Variants in MDFIC2 observed in about 807,000 individuals in gnomAD.
MDFIC2 encodes the protein MyoD family inhibitor domain containing 2.
chr3:70,231,516 C>A (rs1701559959), intron 2 of MDFIC2, among the ~76,000 whole-genome samples: 1 of 152,180 alleles, frequency 6.6e-6, no homozygotes, highest in Admixed American at 6.5e-5. Flanking sequence ...AACAAAAGAG[C>A]CAAATTCCAA....
chr3:70,235,417 C>T (rs776210477), intron 2 of MDFIC2, among the ~76,000 whole-genome samples: 5 of 152,196 alleles, frequency 3.3e-5, no homozygotes, highest in Non-Finnish European at 5.9e-5. Context: ...TCCGTCTCCT[C>T]GCAAATTAAA....
Position 70,215,991 on chromosome 3 carries a change from A to T in MDFIC2, c.89-9201T>A, listed in dbSNP as rs1425236461. On this transcript the variant is annotated intron_variant, in intron 2 of 3. Coordinates refer to ENST00000567252, the MANE Select transcript of MDFIC2 (RefSeq NM_001364677.1). ...GGTATTTTATTTTGATTTGAATGCA[A>T]CATTTGCATTGATATCTGTAGAACT... Among the ~76,000 whole-genome samples, 9 of 152,100 alleles carry T rather than the reference A, an allele frequency of 5.9e-5. No homozygotes were observed. In the East Asian group the frequency reaches 1.7e-3, roughly 29 times the overall value.
chr3:70,249,584 A>T (rs941053491), intron 2 of MDFIC2: 1 of 151,982 alleles, frequency 6.6e-6, no homozygotes, highest in Non-Finnish European at 1.5e-5. Context: ...CTTAAAATAT[A>T]TCATTGCAGG....
At chr3:70,289,872 T>C (rs890152062) in intron 2 of MDFIC2, among the ~76,000 whole-genome samples, 4 of 152,056 alleles carry the variant, frequency 2.6e-5, no homozygotes, top group Middle Eastern at 6.3e-3. Flanking sequence ...GGCTTCTGCA[T>C]TCTTCACGTA....
At chr3:70,308,439 A>AT (rs1702423918) in intron 2 of MDFIC2, among the ~76,000 whole-genome samples, 1 of 152,016 alleles carries the variant, frequency 6.6e-6, no homozygotes, top group Admixed American at 6.6e-5. Context: ...AAAATGAATG[A>AT]TTTTTTGGGT....
At chr3:70,245,974 G>C (rs529747483) in intron 2 of MDFIC2, among the ~76,000 whole-genome samples, 14 of 150,576 alleles carry the variant, frequency 9.3e-5, no homozygotes, top group South Asian at 2.1e-4. Flanking sequence ...ATATGGTAGG[G>C]AACTGAAATT....
chr3:70,231,611 G>C (rs1183442141), intron 2 of MDFIC2, among the ~76,000 whole-genome samples: 2 of 152,068 alleles, frequency 1.3e-5, no homozygotes, highest in Non-Finnish European at 2.9e-5. Flanking sequence ...TCCTTCCCTG[G>C]TTAGTTACCA....
At chr3:70,217,036 C>T (rs1701418228) in intron 2 of MDFIC2, among the ~76,000 whole-genome samples, 1 of 152,154 alleles carries the variant, frequency 6.6e-6, no homozygotes, top group South Asian at 2.1e-4. Flanking sequence ...ATCACTCTTT[C>T]ATTTTTCTGC....
At position 70,271,288 on chromosome 3, in the gene MDFIC2, G is replaced by A. The variant is rs550816893; in HGVS notation, c.88+40598C>T. Among the ~76,000 whole-genome samples the A allele has an allele frequency of 2.0e-5, 3 of 152,160 alleles. No homozygotes were observed. The East Asian group carries it at 5.8e-4, about 30-fold the overall frequency. On this transcript the variant is annotated intron_variant, in intron 2 of 3. Transcript: ENST00000567252. ...AGGCAGGTAAGTAAATCATGAAAAG[G>A]ACCTGGTAGGAAGCAGAGTAAACTG...
At chr3:70,295,639 C>T (rs560181480) in intron 2 of MDFIC2, among the ~76,000 whole-genome samples, 29 of 152,228 alleles carry the variant, frequency 1.9e-4, no homozygotes, top group African/African-American at 6.5e-4. Flanking sequence ...CTGCAGTGAG[C>T]TGTGATTGTG....
intron 2 of MDFIC2, among the ~76,000 whole-genome samples, chr3:70,305,881 T>C (rs1702395089): frequency 6.6e-6 from 1 of 152,182 alleles, no homozygotes; most frequent in Admixed American, 6.5e-5. Context: ...ATTTGAGATT[T>C]TGCATTATAT....
At chr3:70,278,234 G>C (rs1702047084) in intron 2 of MDFIC2, among the ~76,000 whole-genome samples, 1 of 152,130 alleles carries the variant, frequency 6.6e-6, no homozygotes. Flanking sequence ...TTGTCTGAAA[G>C]ATTCATTTAC....
chr3:70,206,838 G>A (rs1223298976), intron 2 of MDFIC2, 48 bp from the exon 3 acceptor site: 6 of 396,596 alleles, frequency 1.5e-5, no homozygotes, highest in East Asian at 1.1e-4. Context: ...TATGGTTTAC[G>A]TGACCTAGTG....
intron 2 of MDFIC2, among the ~76,000 whole-genome samples, chr3:70,239,922 T>TTGTG (rs746909047): frequency 6.6e-6 from 1 of 151,380 alleles, no homozygotes; most frequent in Non-Finnish European, 1.5e-5. Context: ...AAATATTACT[T>TTGTG]TGTGTGTGTG....
chr3:70,247,088 G>A (rs773484569), intron 2 of MDFIC2, among the ~76,000 whole-genome samples: 1 of 151,986 alleles, frequency 6.6e-6, no homozygotes, highest in East Asian at 1.9e-4. Context: ...GCCAATCATA[G>A]TACCAAGCGC....
Position 70,262,522 on chromosome 3 carries a change from C to T in MDFIC2, c.88+49364G>A, listed in dbSNP as rs747547501. 5.3e-5 allele frequency among the ~76,000 whole-genome samples: 8 copies of T among 152,008 alleles called. No individual in the cohort carries two copies. The East Asian group carries it at 5.8e-4, about 11-fold the overall frequency. ...GGATGGCTTGGGGGCTCTGGAATGC[C>T]GTTTCATGTGGGCCTTATTTACTGT... On this transcript the variant is annotated intron_variant, in intron 2 of 3. Coordinates refer to ENST00000567252, the MANE Select transcript of MDFIC2 (RefSeq NM_001364677.1).
chr3:70,255,995 C>T (rs1207386012), intron 2 of MDFIC2, among the ~76,000 whole-genome samples: 2 of 152,178 alleles, frequency 1.3e-5, no homozygotes, highest in Non-Finnish European at 2.9e-5. Context: ...TTTTCTTTCT[C>T]CACTGGCATT....
chr3:70,312,401 G>A (rs1702461564), intron 1 of MDFIC2, 150 bp downstream of exon 1: 1 of 152,332 alleles, frequency 6.6e-6, no homozygotes, highest in South Asian at 2.1e-4. Context: ...TTTATTGGGT[G>A]GGAATAAGAA....
intron 2 of MDFIC2, among the ~76,000 whole-genome samples, chr3:70,216,317 T>C (rs1484107475): frequency 4.0e-5 from 6 of 150,466 alleles, no homozygotes; most frequent in African/African-American, 1.2e-4. Flanking sequence ...ATTCTAATTA[T>C]AATTTATATA....
Sources: gnomAD v4.1 joint callset for allele counts (sites outside exome capture counted in the v4.1 genomes callset) on GRCh38, gnomAD v4.1.1 for gene constraint, MANE v1.5 for transcripts, NCBI Gene and HGNC (gene_info 2026-07-23, HGNC 2026-07-21) for gene names.